Variants in DSG2 observed in about 807,000 individuals in gnomAD.
DSG2 encodes desmoglein 2.
Under a neutral mutation model 75.6 loss-of-function variants are expected in DSG2, and 45 were observed. The observed-to-expected ratio is 0.60, with a 90% CI of 0.47 to 0.76. DSG2 has a LOEUF of 0.76. Ranked by LOEUF, DSG2 falls within the 30% of genes least tolerant of loss-of-function variation. DSG2 has a pLI of 0.00. For synonymous variants in DSG2, 429 were observed against 483.9 expected (o/e 0.89, Z 1.49); for missense variants, 1,267 against 1,357.4 (o/e 0.93, Z 1.05).
At chr18:31,508,740 A>T (rs1206501990) in intron 1 of DSG2, among the ~76,000 whole-genome samples, 1 of 152,118 alleles carries the variant, frequency 6.6e-6, no homozygotes, top group Admixed American at 6.5e-5. Flanking sequence ...ATCTTTTCAC[A>T]CATCTGTCTG....
chr18:31,535,592 G>A (rs191542918), intron 10 of DSG2, among the ~76,000 whole-genome samples, 180 bp downstream of exon 10: 11 of 152,168 alleles, frequency 7.2e-5, no homozygotes, highest in East Asian at 5.8e-4. Flanking sequence ...TCAAGAGATC[G>A]AGACCATTCT....
At chr18:31,507,380 A>G (rs1349672075) in intron 1 of DSG2, among the ~76,000 whole-genome samples, 2 of 152,214 alleles carry the variant, frequency 1.3e-5, no homozygotes, top group Admixed American at 6.5e-5. Flanking sequence ...TAGTGCCTCA[A>G]TAAACATATG....
intron 1 of DSG2, among the ~76,000 whole-genome samples, chr18:31,517,358 T>C (rs550402494): frequency 1.3e-5 from 2 of 152,286 alleles, no homozygotes; most frequent in South Asian, 4.1e-4. Flanking sequence ...TAGAAATAAG[T>C]ACACTAGTTC....
intron 8 of DSG2, among the ~76,000 whole-genome samples, chr18:31,529,199 A>G (rs1258705746): frequency 1.3e-5 from 2 of 152,228 alleles, no homozygotes; most frequent in Non-Finnish European, 2.9e-5. Flanking sequence ...ACAGAGTTGT[A>G]AAAAATAGAG....
chr18:31,509,506 G>A (rs1243625683), intron 1 of DSG2, among the ~76,000 whole-genome samples: 1 of 151,930 alleles, frequency 6.6e-6, no homozygotes, highest in Non-Finnish European at 1.5e-5. Flanking sequence ...ACTGCTATAG[G>A]AGTATATAAA....
At chr18:31,515,651 G>A (rs2073090515) in intron 1 of DSG2, among the ~76,000 whole-genome samples, 1 of 152,168 alleles carries the variant, frequency 6.6e-6, no homozygotes, top group Admixed American at 6.5e-5. Flanking sequence ...ATAGTAGACA[G>A]AATGAAGAAG....
chr18:31,542,706 A>G lies in DSG2; in HGVS notation c.2188A>G (p.Thr730Ala), dbSNP rs780650226. The change falls in exon 14 of 15, where the codon ACC becomes GCC. Residue 730 changes from threonine to alanine, a missense_variant. Physicochemically the swap from Thr to Ala is moderately conservative, Grantham distance 58 (BLOSUM62 0). Coordinates refer to ENST00000261590, the MANE Select transcript of DSG2 (RefSeq NM_001943.5). ...CAGAAGCCTGCTTTCTGGTAGAGCTACCCAGTTTACAGGGGCCACAGGCGC... is the reference window on the plus strand; with the variant it reads ...CAGAAGCCTGCTTTCTGGTAGAGCTGCCCAGTTTACAGGGGCCACAGGCGC... ...EHRSLLSGRA[T>A]QFTGATGAIM... The G allele has an allele frequency of 4.3e-6, 7 of 1,614,170 alleles. No homozygotes were observed. Among genetic ancestry groups the G allele is most frequent in the Non-Finnish European group, 5.9e-6 (7 of 1,180,024 alleles).
chr18:31,534,508 A>AATTTT (rs1555627367), intron 9 of DSG2, among the ~76,000 whole-genome samples: 11 of 112,580 alleles, frequency 9.8e-5, no homozygotes, highest in Non-Finnish European at 1.7e-4. Flanking sequence ...ATGATCATTG[A>AATTTT]TTTTTTTTTT....
chr18:31,524,656 ATATTTG>A, intron 7 of DSG2, 41 bp from the exon 8 acceptor site: 1 of 1,608,070 alleles, frequency 6.2e-7, no homozygotes, highest in South Asian at 1.1e-5. Context: ...TATATCACTT[ATATTTG>A]TATTTCATTG....
rs775256998 is a variant in DSG2, at chr18:31,535,305, CTG to C, written c.1319_1320del (p.Val440GlyfsTer6). On this transcript the variant is annotated frameshift_variant, in exon 10 of 15. Coordinates refer to ENST00000261590, the MANE Select transcript of DSG2 (RefSeq NM_001943.5). LOFTEE classifies it high-confidence loss of function. ...TTAGAAGATAGAGATAATTGGATCT[CTG>C]TGGATTCTGTCACATCTGAAATTAA... 6.9e-6 allele frequency: 11 copies of C among 1,595,902 alleles called. No individual in the cohort carries two copies. The Middle Eastern group carries it at 5.0e-4, about 73-fold the overall frequency.
At chr18:31,520,692 AAATATTTACCTGTAAATTATAGAG>A in intron 3 of DSG2, 87 bp from the exon 4 acceptor site, 1 of 1,181,610 alleles carries the variant, frequency 8.5e-7, no homozygotes, top group Admixed American at 2.3e-5. Context: ...TTGTCCATAA[AAATATTTACCTGTAAATTATAGAG>A]AATCACTTCT....
In DSG2 at chr18:31,546,209, C is replaced by T; in HGVS notation, c.2823C>T (p.Val941=). 1 of 1,612,998 alleles carries T rather than the reference C, an allele frequency of 6.2e-7. No individual in the cohort carries two copies. The highest frequency in any genetic ancestry group is 8.5e-7 in the Non-Finnish European group (1 of 1,179,318). ...RNVIATETSY[V]TGSTMPPTTV... ...TGATAGCAACAGAAACTTCCTATGT[C>T]ACAGGGTCCACTATGCCACCAACCA... Residue 941 remains valine (V), a synonymous_variant, in exon 15 of 15, where the codon GTC becomes GTT. Coordinates refer to ENST00000261590, the MANE Select transcript of DSG2 (RefSeq NM_001943.5).
intron 1 of DSG2, among the ~76,000 whole-genome samples, chr18:31,508,314 T>C (rs2073049316): frequency 6.6e-6 from 1 of 152,132 alleles, no homozygotes; most frequent in South Asian, 2.1e-4. Flanking sequence ...TGAAAAATCT[T>C]TTTGTGATGG....
At chr18:31,543,447 G>T (rs1598824711) in intron 14 of DSG2, 1 of 152,320 alleles carries the variant, frequency 6.6e-6, no homozygotes, top group Non-Finnish European at 1.5e-5. Context: ...CTGTATGAGA[G>T]TACTTGGCTT....
intron 1 of DSG2, among the ~76,000 whole-genome samples, chr18:31,508,439 G>T (rs2073050244): frequency 6.6e-6 from 1 of 151,412 alleles, no homozygotes; most frequent in South Asian, 2.1e-4. Flanking sequence ...CGTCACCCAG[G>T]CTGGAGTGCA....
intron 1 of DSG2, among the ~76,000 whole-genome samples, chr18:31,511,285 CCCACTAGATG>C (rs1460376440): frequency 6.6e-6 from 1 of 152,190 alleles, no homozygotes; most frequent in East Asian, 1.9e-4. Context: ...CTGGTTTCTA[CCCACTAGATG>C]CCACTGGCAT....
chr18:31,519,921 A>C lies in DSG2; in HGVS notation c.200A>C (p.Lys67Thr). The change falls in exon 3 of 15, where the codon AAG becomes ACG. Residue 67 changes from lysine to threonine, a missense_variant. Lys to Thr is a moderately conservative substitution (Grantham distance 78). Transcript: ENST00000261590. Reference sequence around the variant, plus strand: ...CGGGAGGGAGAGGATCTGTCCAAGAAGAATCCAATTGCCAAGGTACCTCCT... The same window carrying C: ...CGGGAGGGAGAGGATCTGTCCAAGACGAATCCAATTGCCAAGGTACCTCCT... ...ALREGEDLSKKNPIAKIHSDL... is the reference protein window; with the variant it reads ...ALREGEDLSKTNPIAKIHSDL... 6.2e-7 allele frequency: 1 copy of C among 1,614,204 alleles called. No individual in the cohort carries two copies. Among genetic ancestry groups the C allele is most frequent in the Non-Finnish European group, 8.5e-7 (1 of 1,180,040 alleles).
intron 11 of DSG2, among the ~76,000 whole-genome samples, 175 bp from the exon 12 acceptor site, chr18:31,538,576 A>G (rs1039563355): frequency 5.3e-5 from 8 of 152,230 alleles, no homozygotes; most frequent in African/African-American, 1.9e-4. Flanking sequence ...TTTAAACTGC[A>G]TATTCAGGGC....
In DSG2 at chr18:31,547,138, T is replaced by A; in HGVS notation, c.*395T>A. ...GGTCTCTTTGCCTACCGTATTAACA[T>A]TAAACATTGATGTTCTGTATTCTGT... On this transcript the variant is annotated 3_prime_UTR_variant, in exon 15 of 15. Transcript: ENST00000261590. 1 of 349,606 alleles carries A rather than the reference T, an allele frequency of 2.9e-6. No homozygotes were observed. Among genetic ancestry groups the A allele is most frequent in the Non-Finnish European group, 5.5e-6 (1 of 180,882 alleles). 21.7% of individuals were successfully genotyped at this position (349,606 alleles called of 1,614,324 possible).
Sources: gnomAD v4.1 joint callset for allele counts (sites outside exome capture counted in the v4.1 genomes callset) on GRCh38, gnomAD v4.1.1 for gene constraint, MANE v1.5 for transcripts, NCBI Gene and HGNC (gene_info 2026-07-23, HGNC 2026-07-21) for gene names.